The following KIAA1328 variants were observed in gnomAD, a reference collection of about 807,000 sequenced individuals.
KIAA1328 encodes the protein KIAA1328.
Under a neutral mutation model 68.1 loss-of-function variants are expected in KIAA1328, and 52 were observed. The observed-to-expected ratio is 0.76, with a 90% CI of 0.61 to 0.96. KIAA1328 has a LOEUF of 0.96. Among genes scored for constraint, KIAA1328 ranks in the 40% least tolerant of loss-of-function variants. KIAA1328 has a pLI of 0.00. For missense variants in KIAA1328, 641 were observed against 677.6 expected (o/e 0.95, Z 0.60); for synonymous variants, 232 against 239.4 (o/e 0.97, Z 0.28).
At position 36,851,846 on chromosome 18, in the gene KIAA1328, G is replaced by A. The variant is rs1204791786; in HGVS notation, c.332+7544G>A. Among the ~76,000 whole-genome samples the A allele has an allele frequency of 2.7e-5, 4 of 148,644 alleles. No homozygotes were observed. The South Asian group carries it at 8.6e-4, about 32-fold the overall frequency. On this transcript the variant is annotated intron_variant, in intron 4 of 9. Transcript: ENST00000280020. ...TGGCTTTTTACTTAGTTTGCTTTTG[G>A]TTTCTAGTTCCTTAAGGTGTAAAGT...
chr18:37,064,584 A>C (rs1357433769), intron 6 of KIAA1328, among the ~76,000 whole-genome samples: 1 of 132,980 alleles, frequency 7.5e-6, no homozygotes, highest in Non-Finnish European at 1.6e-5. Context: ...ATGTCACGTT[A>C]TGTGTCACAA....
intron 7 of KIAA1328, among the ~76,000 whole-genome samples, chr18:37,090,011 A>C (rs2057223955): frequency 6.6e-6 from 1 of 152,168 alleles, no homozygotes; most frequent in South Asian, 2.1e-4. Context: ...TTAAGGCCTC[A>C]CTTATTATTT....
At chr18:37,143,945 C>A (rs886755765) in intron 7 of KIAA1328, among the ~76,000 whole-genome samples, 1 of 151,970 alleles carries the variant, frequency 6.6e-6, no homozygotes, top group Non-Finnish European at 1.5e-5. Flanking sequence ...TAACAAAATA[C>A]GTTGCAAAGT....
chr18:37,173,219 T>C, intron 9 of KIAA1328, 138 bp downstream of exon 9: 1 of 619,318 alleles, frequency 1.6e-6, no homozygotes, highest in Non-Finnish European at 2.7e-6. Context: ...TTGAAGCATC[T>C]AGATTTGGCC....
At chr18:36,866,585 T>C (rs888116845) in intron 4 of KIAA1328, among the ~76,000 whole-genome samples, 12 of 152,214 alleles carry the variant, frequency 7.9e-5, no homozygotes, top group Non-Finnish European at 1.2e-4. Flanking sequence ...TATACTTTTT[T>C]CCCAATTATA....
At chr18:37,005,382 T>C (rs1018894251) in intron 6 of KIAA1328, among the ~76,000 whole-genome samples, 1 of 151,448 alleles carries the variant, frequency 6.6e-6, no homozygotes, top group Non-Finnish European at 1.5e-5. Flanking sequence ...TAAATGTAAA[T>C]CAAAACCAGA....
intron 8 of KIAA1328, among the ~76,000 whole-genome samples, chr18:37,166,481 T>C (rs983090456): frequency 6.6e-6 from 1 of 152,168 alleles, no homozygotes; most frequent in African/African-American, 2.4e-5. Context: ...GTATTTTATG[T>C]GTAGTCCAAG....
chr18:36,999,358 C>T (rs1245704928), intron 6 of KIAA1328, among the ~76,000 whole-genome samples: 1 of 152,122 alleles, frequency 6.6e-6, no homozygotes, highest in Non-Finnish European at 1.5e-5. Context: ...TTTGATGAGA[C>T]AATAGGTGAC....
At chr18:36,926,974 A>G (rs2050141157) in intron 5 of KIAA1328, among the ~76,000 whole-genome samples, 1 of 152,186 alleles carries the variant, frequency 6.6e-6, no homozygotes, top group African/African-American at 2.4e-5. Context: ...AACAGCGACA[A>G]TGGGGAGGTC....
At chr18:36,880,114 A>G (rs577289453) in intron 4 of KIAA1328, among the ~76,000 whole-genome samples, 8 of 152,236 alleles carry the variant, frequency 5.3e-5, no homozygotes, top group African/African-American at 1.9e-4. Context: ...GTCTGCTCAG[A>G]TGGCCACCCA....
At chr18:36,913,118 G>A (rs1158142433) in intron 5 of KIAA1328, among the ~76,000 whole-genome samples, 1 of 152,054 alleles carries the variant, frequency 6.6e-6, no homozygotes, top group Non-Finnish European at 1.5e-5. Context: ...CCTGCCTGTG[G>A]TATTTTGGGA....
At chr18:37,208,546 C>A (rs2060258034) in intron 9 of KIAA1328, among the ~76,000 whole-genome samples, 1 of 152,098 alleles carries the variant, frequency 6.6e-6, no homozygotes, top group Non-Finnish European at 1.5e-5. Flanking sequence ...AGTGTGTTCA[C>A]AGATGAAGAG....
chr18:36,860,733 A>G (rs2047539377), intron 4 of KIAA1328, among the ~76,000 whole-genome samples: 1 of 152,162 alleles, frequency 6.6e-6, no homozygotes, highest in African/African-American at 2.4e-5. Flanking sequence ...GAAAAATTGT[A>G]AAAATATCAC....
intron 7 of KIAA1328, among the ~76,000 whole-genome samples, chr18:37,127,633 G>T (rs2058424442): frequency 6.6e-6 from 1 of 152,128 alleles, no homozygotes; most frequent in Non-Finnish European, 1.5e-5. Context: ...CAGAAACCCA[G>T]TGTCATTAAG....
chr18:36,938,039 G>A (rs1162796028), intron 5 of KIAA1328, among the ~76,000 whole-genome samples: 1 of 152,122 alleles, frequency 6.6e-6, no homozygotes, highest in African/African-American at 2.4e-5. Flanking sequence ...GACTATTGTA[G>A]TAAATAGTGC....
chr18:37,066,757 C>T, intron 6 of KIAA1328, 133 bp from the exon 7 acceptor site: 1 of 821,036 alleles, frequency 1.2e-6, no homozygotes, highest in Non-Finnish European at 1.9e-6. Context: ...TGTGTGAATG[C>T]TATAATTTAA....
At position 37,098,918 on chromosome 18, in the gene KIAA1328, A is replaced by G. The variant is rs570949210; in HGVS notation, c.1232+31373A>G. ...TTGTATTTCTGTGGGATCGGTGGCA[A>G]TATCCCCTTGGTCATTTTTTATTGC... On this transcript the variant is annotated intron_variant, in intron 7 of 9. Coordinates refer to ENST00000280020, the MANE Select transcript of KIAA1328 (RefSeq NM_020776.3). Among the ~76,000 whole-genome samples, 6 of 152,164 alleles carry G rather than the reference A, an allele frequency of 3.9e-5. No homozygotes were observed. In the South Asian group the frequency reaches 6.2e-4, roughly 16 times the overall value.
chr18:37,058,656 G>A (rs963571458), intron 6 of KIAA1328, among the ~76,000 whole-genome samples: 1 of 152,046 alleles, frequency 6.6e-6, no homozygotes, highest in Non-Finnish European at 1.5e-5. Flanking sequence ...AGGTTGCAGT[G>A]AGCCGAGATC....
rs112016757 is a variant in KIAA1328 at position 37,167,567 on chromosome 18, C to T, written c.1415-5406C>T. 2.2e-3 allele frequency among the ~76,000 whole-genome samples: 342 copies of T among 152,156 alleles called. 1 individual carries two copies. Among genetic ancestry groups the T allele is most frequent in the African/African-American group, 7.5e-3 (310 of 41,524 alleles). ...CCCCTCGCTGTCTGCATCGTTCCAC[C>T]GGTCAATGGCCTGCCAGTGTCTGCT... On this transcript the variant is annotated intron_variant, in intron 8 of 9. Transcript: ENST00000280020.
Sources: allele counts gnomAD v4.1 joint callset (sites outside exome capture counted in the v4.1 genomes callset), GRCh38; gene constraint gnomAD v4.1.1; transcripts MANE v1.5; gene names NCBI Gene and HGNC (gene_info 2026-07-23, HGNC 2026-07-21).